The following SPOCK3 variants were observed in gnomAD, a reference collection of about 807,000 sequenced individuals.
The protein encoded by SPOCK3 is testican-3.
In SPOCK3, 30 loss-of-function variants were observed where a neutral mutation model predicts 56.6. The observed-to-expected ratio is 0.53, with a 90% CI of 0.40 to 0.72. The LOEUF (loss-of-function observed/expected upper bound fraction) is 0.72. Among genes scored for constraint, SPOCK3 ranks in the 30% least tolerant of loss-of-function variants. The probability of loss-of-function intolerance (pLI) is 0.00; values close to 1 mark genes in which losing one functional copy is unlikely to be tolerated. For missense variants in SPOCK3, 527 were observed against 530.0 expected (o/e 0.99, Z 0.06); for synonymous variants, 196 against 183.3 (o/e 1.07, Z -0.56).
chr4:166,940,534 A>G (rs1315496672), intron 4 of SPOCK3, among the ~76,000 whole-genome samples: 1 of 152,008 alleles, frequency 6.6e-6, no homozygotes, highest in African/African-American at 2.4e-5. Context: ...TATCTTCGGT[A>G]GAGACTTTCT....
chr4:166,980,930 G>A (rs979782799), intron 4 of SPOCK3, among the ~76,000 whole-genome samples: 1 of 152,204 alleles, frequency 6.6e-6, no homozygotes, highest in Non-Finnish European at 1.5e-5. Flanking sequence ...GAGGGGGTGT[G>A]TTTCAGCCCT....
chr4:166,765,304 G>T lies in SPOCK3; in HGVS notation c.710-10575C>A, dbSNP rs550246342. Among the ~76,000 whole-genome samples the T allele has an allele frequency of 2.0e-5, 3 of 152,268 alleles. No individual in the cohort carries two copies. The South Asian group carries it at 6.2e-4, about 32-fold the overall frequency. On this transcript the variant is annotated intron_variant, in intron 7 of 10. Transcript: ENST00000357545. ...GGTATTGCCTAGGTTTTCTTCTAGG[G>T]TTTTTATCGTTTTAGGTCTAACATT...
In SPOCK3 at chr4:167,205,353, T is replaced by TATATATATTTTATATCTATAATATATA. The variant is rs1561321571; in HGVS notation, c.189+28631_189+28632insTATATATTATAGATATAAAATATATAT. ...TATATATTATATATTATATATATAA[T>TATATATATTTTATATCTATAATATATA]ATATATATTATATATTTTATATATA... is the stretch of plus-strand genomic sequence containing the variant. On this transcript the variant is annotated intron_variant, in intron 2 of 10. Transcript: ENST00000357545. Among the ~76,000 whole-genome samples the TATATATATTTTATATCTATAATATATA allele has an allele frequency of 5.5e-3, 195 of 35,326 alleles. 1 individual carries two copies. The highest frequency in any genetic ancestry group is 7.8e-3 in the Non-Finnish European group (175 of 22,526). 23.2% of individuals were successfully genotyped at this position (35,326 alleles called of 152,430 possible).
chr4:166,826,636 A>G (rs1423499735), intron 6 of SPOCK3, among the ~76,000 whole-genome samples: 2 of 152,150 alleles, frequency 1.3e-5, no homozygotes, highest in East Asian at 3.9e-4. Flanking sequence ...ATAATTTTAC[A>G]GTCAATAAAT....
intron 6 of SPOCK3, among the ~76,000 whole-genome samples, chr4:166,858,850 A>T (rs1730950767): frequency 6.6e-6 from 1 of 152,128 alleles, no homozygotes; most frequent in Non-Finnish European, 1.5e-5. Flanking sequence ...AGCAGAAATA[A>T]ATTTATACAC....
intron 6 of SPOCK3, among the ~76,000 whole-genome samples, chr4:166,826,041 A>T (rs56410825): frequency 2.6e-5 from 4 of 152,176 alleles, no homozygotes; most frequent in Admixed American, 6.5e-5. Context: ...AAACTATTAA[A>T]TTTTTTAAGA....
intron 5 of SPOCK3, among the ~76,000 whole-genome samples, chr4:166,911,559 CAG>C (rs1393227386): frequency 6.6e-6 from 1 of 152,014 alleles, no homozygotes; most frequent in African/African-American, 2.4e-5. Context: ...TTTTTTGAGA[CAG>C]AGTTTTGCTC....
At chr4:166,844,239 C>T (rs566865694) in intron 6 of SPOCK3, among the ~76,000 whole-genome samples, 8 of 152,280 alleles carry the variant, frequency 5.3e-5, no homozygotes, top group Admixed American at 2.0e-4. Flanking sequence ...ACTAGTTACT[C>T]GACTTATATT....
At chr4:167,213,252 A>C (rs546739832) in intron 2 of SPOCK3, among the ~76,000 whole-genome samples, 1 of 152,342 alleles carries the variant, frequency 6.6e-6, no homozygotes, top group Non-Finnish European at 1.5e-5. Flanking sequence ...AACTGTTTAC[A>C]TGTGCAATTT....
At chr4:166,898,036 A>T (rs1409229207) in intron 5 of SPOCK3, among the ~76,000 whole-genome samples, 1 of 149,630 alleles carries the variant, frequency 6.7e-6, no homozygotes, top group East Asian at 1.9e-4. Context: ...ACACAAAAAT[A>T]AAAATAAAAA....
At chr4:166,806,509 G>C (rs1743181810) in intron 6 of SPOCK3, among the ~76,000 whole-genome samples, 1 of 151,856 alleles carries the variant, frequency 6.6e-6, no homozygotes. Flanking sequence ...TATAATATAG[G>C]TATTTGAGAA....
intron 6 of SPOCK3, among the ~76,000 whole-genome samples, chr4:166,859,037 CTTTTTT>C (rs1730970097): frequency 6.6e-6 from 1 of 152,066 alleles, no homozygotes; most frequent in Non-Finnish European, 1.5e-5. Context: ...AATGCTTTAC[CTTTTTT>C]ATCTCTAGAT....
intron 2 of SPOCK3, chr4:167,119,897 C>CA: frequency 7.1e-7 from 1 of 1,412,970 alleles, no homozygotes; most frequent in South Asian, 1.5e-5. Context: ...AGGTTTCAAC[C>CA]AAAAAAGAAA....
At chr4:166,849,341 A>G (rs1322210923) in intron 6 of SPOCK3, among the ~76,000 whole-genome samples, 1 of 152,164 alleles carries the variant, frequency 6.6e-6, no homozygotes, top group African/African-American at 2.4e-5. Context: ...AAGAAATTCA[A>G]ATCTGTTCAT....
intron 2 of SPOCK3, among the ~76,000 whole-genome samples, chr4:167,133,837 T>C (rs916291380): frequency 6.6e-6 from 1 of 152,104 alleles, no homozygotes; most frequent in South Asian, 2.1e-4. Context: ...TATCTCTGTT[T>C]AAAACTACAA....
At chr4:167,128,769 C>T (rs1762485114) in intron 2 of SPOCK3, among the ~76,000 whole-genome samples, 1 of 152,116 alleles carries the variant, frequency 6.6e-6, no homozygotes, top group Admixed American at 6.5e-5. Context: ...CCTAATCACC[C>T]CTCTACATGA....
At chr4:167,173,338 C>A (rs1381867792) in intron 2 of SPOCK3, among the ~76,000 whole-genome samples, 1 of 152,122 alleles carries the variant, frequency 6.6e-6, no homozygotes, top group East Asian at 1.9e-4. Context: ...AAATTGCCTG[C>A]ACAATATTGC....
intron 2 of SPOCK3, among the ~76,000 whole-genome samples, chr4:167,232,443 A>G (rs1056724656): frequency 2.6e-5 from 4 of 152,012 alleles, no homozygotes; most frequent in Non-Finnish European, 4.4e-5. Context: ...TCAAAAATTC[A>G]TTTCTAGAAG....
Position 166,765,881 on chromosome 4 carries a change from T to C in SPOCK3, c.710-11152A>G, listed in dbSNP as rs185987054. 6.1e-3 allele frequency among the ~76,000 whole-genome samples: 935 copies of C among 152,340 alleles called. 9 individuals are homozygous for C. The highest frequency in any genetic ancestry group is 0.021 in the African/African-American group (890 of 41,562). ...ATTTTGTTGAGCAGTGGTTTGCTGTTCTCCTTGAAGAGGTCCTTCACATCC... is the reference window on the plus strand; with the variant it reads ...ATTTTGTTGAGCAGTGGTTTGCTGTCCTCCTTGAAGAGGTCCTTCACATCC... On this transcript the variant is annotated intron_variant, in intron 7 of 10. Coordinates refer to ENST00000357545, the MANE Select transcript of SPOCK3 (RefSeq NM_001040159.2).
Sources: allele counts gnomAD v4.1 joint callset (sites outside exome capture counted in the v4.1 genomes callset), GRCh38; gene constraint gnomAD v4.1.1; transcripts MANE v1.5; gene names NCBI Gene and HGNC (gene_info 2026-07-23, HGNC 2026-07-21).